The following AXIN1 variants were observed in gnomAD, a reference collection of about 807,000 sequenced individuals.
AXIN1 encodes axin 1.
Under a neutral mutation model 76.4 loss-of-function variants are expected in AXIN1, and 30 were observed. The observed-to-expected ratio is 0.39, with a 90% CI of 0.29 to 0.53. The LOEUF (loss-of-function observed/expected upper bound fraction) is 0.53, where lower values mean the gene tolerates loss of function less well. AXIN1 is among the 20% of genes least tolerant of loss of function. AXIN1 has a pLI of 0.66. For synonymous variants in AXIN1, 545 were observed against 501.4 expected (o/e 1.09, Z -1.16); for missense variants, 1,140 against 1,198.8 (o/e 0.95, Z 0.72).
intron 2 of AXIN1, among the ~76,000 whole-genome samples, chr16:320,741 A>ATTTTT (rs1303646861): frequency 1.1e-3 from 102 of 92,050 alleles, no homozygotes; most frequent in African/African-American, 3.8e-3. Context: ...ATATATATAT[A>ATTTTT]TATTTTTTTT....
intron 7 of AXIN1, among the ~76,000 whole-genome samples, chr16:294,107 G>A (rs9923972): frequency 0.017 from 2,540 of 152,240 alleles, 65 homozygotes; most frequent in African/African-American, 0.057. Flanking sequence ...GTTACAGTGA[G>A]CCGGGATCAC....
intron 3 of AXIN1, among the ~76,000 whole-genome samples, chr16:311,339 T>TA (rs1362238003): frequency 1.3e-5 from 2 of 151,712 alleles, no homozygotes; most frequent in African/African-American, 4.8e-5. Flanking sequence ...CCGCAACAGG[T>TA]TTTCTTTATG....
chr16:315,088 C>A (rs756354726), intron 2 of AXIN1, among the ~76,000 whole-genome samples: 63 of 152,200 alleles, frequency 4.1e-4, no homozygotes, highest in Non-Finnish European at 8.1e-4. Context: ...TCAGCTCAGA[C>A]GTCTCTGCAC....
chr16:336,493 G>A lies in AXIN1; in HGVS notation c.878+9655C>T, dbSNP rs73486296. On this transcript the variant is annotated intron_variant, in intron 2 of 10. Transcript: ENST00000262320. ...GTTATTGTTAGATGAGAACGCAAAC[G>A]TGGGGCCCTGACCCAAGAGGGCTGG... 5.2e-3 allele frequency among the ~76,000 whole-genome samples: 796 copies of A among 152,284 alleles called. 9 individuals carry two copies. The highest frequency in any genetic ancestry group is 0.017 in the African/African-American group (723 of 41,558).
At chr16:303,304 C>T (rs1412742872) in intron 5 of AXIN1, among the ~76,000 whole-genome samples, 5 of 152,100 alleles carry the variant, frequency 3.3e-5, no homozygotes, top group African/African-American at 9.7e-5. Context: ...AGCCAGGCCC[C>T]GCGTCTTCCT....
At position 306,790 on chromosome 16, in the gene AXIN1, G is replaced by A. The variant is rs1013455265; in HGVS notation, c.1117-2349C>T. ...AAAAGTCACTGCTGGAGTCTGGGCC[G>A]TGCACAGCGCCAGGAAGGGGTCTGT... On this transcript the variant is annotated intron_variant, in intron 4 of 10. Coordinates refer to ENST00000262320, the MANE Select transcript of AXIN1 (RefSeq NM_003502.4). Among the ~76,000 whole-genome samples, 24 of 152,340 alleles carry A rather than the reference G, an allele frequency of 1.6e-4. No homozygotes were observed. The East Asian group carries it at 3.9e-3, about 24-fold the overall frequency.
At chr16:322,714 C>G (rs934878847) in intron 2 of AXIN1, among the ~76,000 whole-genome samples, 10 of 152,244 alleles carry the variant, frequency 6.6e-5, no homozygotes, top group Non-Finnish European at 1.2e-4. Context: ...CACAGAATCG[C>G]TGGCTCCCGG....
chr16:350,130 C>T (rs935632898), intron 1 of AXIN1, among the ~76,000 whole-genome samples: 7 of 152,156 alleles, frequency 4.6e-5, no homozygotes, highest in Non-Finnish European at 8.8e-5. Flanking sequence ...TTTCAGAGCC[C>T]AGAAGAAAAT....
At chr16:290,319 C>G (rs1213798958) in intron 9 of AXIN1, 1 of 156,928 alleles carries the variant, frequency 6.4e-6, no homozygotes, top group Non-Finnish European at 1.4e-5. Flanking sequence ...AGAGCCAACA[C>G]CAGGGCAGGA....
intron 1 of AXIN1, among the ~76,000 whole-genome samples, chr16:348,452 T>C (rs1340827750): frequency 1.3e-5 from 2 of 152,112 alleles, no homozygotes; most frequent in Admixed American, 6.6e-5. Flanking sequence ...CACACCAACT[T>C]CCTCACATTG....
Position 293,759 on chromosome 16 carries a change from C to A in AXIN1, c.1956-41G>T, listed in dbSNP as rs2141487852. 1 of 1,589,988 alleles carries A rather than the reference C, an allele frequency of 6.3e-7. No homozygotes were observed. The highest frequency in any genetic ancestry group is 8.6e-7 in the Non-Finnish European group (1 of 1,161,512). On this transcript the variant is annotated intron_variant, in intron 7 of 10. Coordinates refer to ENST00000262320, the MANE Select transcript of AXIN1 (RefSeq NM_003502.4). This position sits in a 1 kb window ranked among gnomAD's most constrained non-coding sequence, Gnocchi z 4.6. ...AACAAGTTGTGACTGTGGCCGACAC[C>A]CTGGCCAGGTGGCCTGGTGGGGCTA...
intron 3 of AXIN1, among the ~76,000 whole-genome samples, chr16:312,394 G>A (rs980400397): frequency 2.0e-5 from 3 of 152,196 alleles, no homozygotes; most frequent in African/African-American, 7.2e-5. Context: ...TTTATTTTAG[G>A]TCCTCCCTTT....
At chr16:310,619 G>C (rs992084857) in intron 3 of AXIN1, among the ~76,000 whole-genome samples, 6 of 152,170 alleles carry the variant, frequency 3.9e-5, no homozygotes, top group Admixed American at 2.6e-4. Flanking sequence ...GGAGAGTCTC[G>C]ATCTCCTGAC....
chr16:336,320 A>T (rs2053802240), intron 2 of AXIN1, among the ~76,000 whole-genome samples: 1 of 152,226 alleles, frequency 6.6e-6, no homozygotes, highest in Non-Finnish European at 1.5e-5. Context: ...GGGGTGAGAC[A>T]GGAGAGCAGC....
Position 293,064 on chromosome 16 carries a change from G to A in AXIN1, c.2186+424C>T. 4.2e-6 allele frequency: 1 copy of A among 240,062 alleles called. No homozygotes were observed. The highest frequency in any genetic ancestry group is 5.0e-5 in the Admixed American group (1 of 20,030). 14.9% of individuals were successfully genotyped at this position (240,062 alleles called of 1,614,324 possible). A position where few individuals can be genotyped will look rare whatever the true frequency, so the allele number is the denominator to read the frequency against. On this transcript the variant is annotated intron_variant, in intron 8 of 10. Transcript: ENST00000262320. This position sits in a 1 kb window ranked among gnomAD's most constrained non-coding sequence, Gnocchi z 4.6. ...CCACGTAGCTTTCCGACCGTGCAGAGCCACTCAGGGCTCCTGGGACGCAAC... is the reference window on the plus strand; with the variant it reads ...CCACGTAGCTTTCCGACCGTGCAGAACCACTCAGGGCTCCTGGGACGCAAC...
At chr16:343,343 G>A (rs775051655) in intron 2 of AXIN1, among the ~76,000 whole-genome samples, 26 of 152,158 alleles carry the variant, frequency 1.7e-4, no homozygotes, top group African/African-American at 1.7e-4. Context: ...TTCCAACAGT[G>A]GAAATCAGAA....
At chr16:322,287 G>T (rs1235833425) in intron 2 of AXIN1, among the ~76,000 whole-genome samples, 1 of 152,222 alleles carries the variant, frequency 6.6e-6, no homozygotes, top group East Asian at 1.9e-4. Context: ...GCACACCCCA[G>T]GCTCCAGGGA....
intron 10 of AXIN1, 143 bp from the exon 11 acceptor site, chr16:288,391 T>C: frequency 8.1e-7 from 1 of 1,241,202 alleles, no homozygotes; most frequent in Non-Finnish European, 1.1e-6. Flanking sequence ...GTGCGCCCCC[T>C]CCCAGGGCAA....
At chr16:340,874 C>G (rs1298561247) in intron 2 of AXIN1, among the ~76,000 whole-genome samples, 1 of 152,202 alleles carries the variant, frequency 6.6e-6, no homozygotes, top group African/African-American at 2.4e-5. Context: ...GTGAAACCAC[C>G]ACGCGGCTCA....
Sources: gnomAD v4.1 joint callset for allele counts (sites outside exome capture counted in the v4.1 genomes callset) on GRCh38, gnomAD v4.1.1 for gene constraint, Gnocchi (gnomAD v3.1) non-coding constraint, MANE v1.5 for transcripts, NCBI Gene and HGNC (gene_info 2026-07-23, HGNC 2026-07-21) for gene names.